Variants in SUPV3L1 observed in about 807,000 individuals in gnomAD.
The protein encoded by SUPV3L1 is ATP-dependent RNA helicase SUPV3L1, mitochondrial.
Under a neutral mutation model 70.0 loss-of-function variants are expected in SUPV3L1, and 35 were observed. The observed-to-expected ratio is 0.50, with a 90% CI of 0.38 to 0.66. SUPV3L1 has a LOEUF of 0.66. Among genes scored for constraint, SUPV3L1 ranks in the 30% least tolerant of loss-of-function variants. The probability of loss-of-function intolerance (pLI) is 0.00; values close to 1 mark genes in which losing one functional copy is unlikely to be tolerated. For synonymous variants in SUPV3L1, 364 were observed against 341.9 expected, an observed-to-expected ratio of 1.06 and a Z score of -0.71; for missense variants, 777 against 961.5, an observed-to-expected ratio of 0.81 and a Z score of 2.54.
chr10:69,180,525 C>G lies in SUPV3L1; in HGVS notation c.234C>G (p.Gly78=), dbSNP rs1351310699. ...TVKPQGPSAD[G]DVGAELTRPL... ...AACCTCAGGGCCCCAGCGCCGACGG[C>G]GACGTCGGGGCCGAGCTAACCCGGC... The change falls in exon 1 of 15, where the codon GGC becomes GGG. Residue 78 remains glycine (G), a synonymous_variant. Transcript: ENST00000359655. 1 of 1,614,180 alleles carries G rather than the reference C, an allele frequency of 6.2e-7. No individual in the cohort carries two copies. Among genetic ancestry groups the G allele is most frequent in the Admixed American group, 1.7e-5 (1 of 60,026 alleles).
intron 5 of SUPV3L1, 77 bp downstream of exon 5, chr10:69,189,512 G>A (rs756276044): frequency 7.1e-7 from 1 of 1,406,926 alleles, no homozygotes; most frequent in African/African-American, 1.4e-5. Context: ...GATGTTTGTA[G>A]TAATTTACTG....
rs760701609 is a variant in SUPV3L1, at chr10:69,180,327, C to G, written c.36C>G (p.Leu12=). Residue 12 remains leucine (L), a synonymous_variant, in exon 1 of 15, where the codon CTC becomes CTG. Transcript: ENST00000359655. ...SFSRALLWAR[L]PAGRQAGHRA... ...CCCGTGCCCTATTGTGGGCTCGGCTCCCGGCGGGGCGCCAGGCTGGCCACC... is the reference window on the plus strand; with the variant it reads ...CCCGTGCCCTATTGTGGGCTCGGCTGCCGGCGGGGCGCCAGGCTGGCCACC... 2.0e-5 allele frequency: 33 copies of G among 1,613,984 alleles called. 1 individual carries two copies. The Middle Eastern group carries it at 3.5e-3, about 169-fold the overall frequency.
intron 10 of SUPV3L1, 87 bp from the exon 11 acceptor site, chr10:69,200,193 C>T: frequency 9.3e-7 from 1 of 1,071,330 alleles, no homozygotes; most frequent in Non-Finnish European, 1.4e-6. Flanking sequence ...AGGACCTAAG[C>T]TAGTATTGGA....
At chr10:69,198,228 G>A (rs1842593085) in intron 8 of SUPV3L1, 144 bp from the exon 9 acceptor site, 2 of 618,522 alleles carry the variant, frequency 3.2e-6, no homozygotes, top group African/African-American at 3.8e-5. Context: ...CAAAATAAAT[G>A]TTTTTCTGTG....
intron 14 of SUPV3L1, 144 bp from the exon 15 acceptor site, chr10:69,208,456 T>G: frequency 1.1e-6 from 1 of 885,124 alleles, no homozygotes; most frequent in Non-Finnish European, 1.7e-6. Flanking sequence ...GGGGCAGAAA[T>G]CAAGGTTGAG....
Position 69,180,511 on chromosome 10 carries a change from C to T in SUPV3L1, c.220C>T (p.Pro74Ser), listed in dbSNP as rs750344896. 8 of 1,614,222 alleles carry T rather than the reference C, an allele frequency of 5.0e-6. No homozygotes were observed. Among genetic ancestry groups the T allele is most frequent in the East Asian group, 4.5e-5 (2 of 44,894 alleles). The change falls in exon 1 of 15, where the codon CCC becomes TCC. Residue 74 changes from proline to serine, a missense_variant. Coordinates refer to ENST00000359655, the MANE Select transcript of SUPV3L1 (RefSeq NM_003171.5). ...FVPLTVKPQG[P>S]SADGDVGAEL... ...GCCCCTGACTGTGAAACCTCAGGGC[C>T]CCAGCGCCGACGGCGACGTCGGGGC...
At chr10:69,195,795 T>C (rs1165382829) in intron 7 of SUPV3L1, among the ~76,000 whole-genome samples, 2 of 151,988 alleles carry the variant, frequency 1.3e-5, no homozygotes, top group African/African-American at 4.8e-5. Context: ...CAGGTTGGAG[T>C]GTGATGGCGC....
At chr10:69,197,603 T>G (rs1028448480) in intron 8 of SUPV3L1, among the ~76,000 whole-genome samples, 2 of 152,176 alleles carry the variant, frequency 1.3e-5, no homozygotes, top group African/African-American at 4.8e-5. Context: ...AAGGTCTCAC[T>G]CTGTTACCCA....
chr10:69,185,066 C>T (rs573086447), intron 1 of SUPV3L1, among the ~76,000 whole-genome samples: 3 of 152,220 alleles, frequency 2.0e-5, no homozygotes, highest in Non-Finnish European at 2.9e-5. Flanking sequence ...ATAGACATTT[C>T]TCTGCCGTCA....
intron 3 of SUPV3L1, 61 bp from the exon 4 acceptor site, chr10:69,187,581 C>T: frequency 7.9e-7 from 1 of 1,260,032 alleles, no homozygotes; most frequent in East Asian, 2.4e-5. Context: ...AAAGATTTCA[C>T]TAAATTTAGT....
In SUPV3L1 at chr10:69,186,325, C is replaced by CAA. The variant is rs34197871; in HGVS notation, c.350-100_350-99dup. The stretch of plus-strand genomic sequence containing the variant: ...GATCATAATAAACCAGCTGTACTGC[C>CAA]AAAAAAAAAAAAAAAAAAAGAAAAA... On this transcript the variant is annotated intron_variant, in intron 2 of 14. Transcript: ENST00000359655. 3,598 of 385,354 alleles carry CAA rather than the reference C, an allele frequency of 9.3e-3. 1 individual carries two copies. Among genetic ancestry groups the CAA allele is most frequent in the South Asian group, 0.016 (632 of 38,638 alleles). The allele number at this position is 385,354 out of a possible 1,614,324, so 23.9% of individuals were successfully genotyped here.
chr10:69,197,531 T>A (rs1394322625), intron 8 of SUPV3L1, among the ~76,000 whole-genome samples: 1 of 152,162 alleles, frequency 6.6e-6, no homozygotes, highest in Non-Finnish European at 1.5e-5. Context: ...CCTGCTTCTC[T>A]TTTTCTTTAC....
At chr10:69,196,910 C>T (rs549309346) in intron 7 of SUPV3L1, 82 bp from the exon 8 acceptor site, 61 of 1,191,676 alleles carry the variant, frequency 5.1e-5, no homozygotes, top group Admixed American at 8.9e-5. Context: ...TGTAAGCCAA[C>T]GTAAAGTACT....
intron 7 of SUPV3L1, 39 bp from the exon 8 acceptor site, chr10:69,196,953 A>G (rs2132291088): frequency 6.4e-7 from 1 of 1,557,316 alleles, no homozygotes; most frequent in Middle Eastern, 1.7e-4. Flanking sequence ...ATTTAATTAT[A>G]AATCTTTAAA....
chr10:69,203,663 C>CG (rs1842743610), intron 13 of SUPV3L1, among the ~76,000 whole-genome samples: 1 of 88,804 alleles, frequency 1.1e-5, no homozygotes, highest in South Asian at 3.6e-4. Context: ...GACTCTGTCT[C>CG]AAAAAAAAAA....
At chr10:69,199,740 C>T (rs11816985) in intron 10 of SUPV3L1, among the ~76,000 whole-genome samples, 5,159 of 152,216 alleles carry the variant, frequency 0.034, 308 homozygotes, top group African/African-American at 0.12. Context: ...TACTACGTCA[C>T]TTTACTTTCA....
intron 11 of SUPV3L1, 46 bp from the exon 12 acceptor site, chr10:69,202,393 G>GAAA: frequency 1.7e-6 from 2 of 1,156,088 alleles, no homozygotes; most frequent in Non-Finnish European, 2.4e-6. Flanking sequence ...TGTCCTTTTT[G>GAAA]AAAAAAAAAA....
intron 1 of SUPV3L1, among the ~76,000 whole-genome samples, chr10:69,184,403 T>G (rs116166655): frequency 0.017 from 2,606 of 152,094 alleles, 68 homozygotes; most frequent in African/African-American, 0.059. Flanking sequence ...TGCATGGTGA[T>G]GCATGCCTGT....
At chr10:69,203,139 T>C in intron 13 of SUPV3L1, 96 bp downstream of exon 13, 1 of 1,291,260 alleles carries the variant, frequency 7.7e-7, no homozygotes, top group Non-Finnish European at 1.1e-6. Flanking sequence ...ATTACAAGAG[T>C]ATTCAGTAAT....
Sources: allele counts gnomAD v4.1 joint callset (sites outside exome capture counted in the v4.1 genomes callset), GRCh38; gene constraint gnomAD v4.1.1; transcripts MANE v1.5; gene names NCBI Gene and HGNC (gene_info 2026-07-23, HGNC 2026-07-21).